The following NAV2 variants were observed in gnomAD, a reference collection of about 807,000 sequenced individuals.
NAV2 encodes the protein neuron navigator 2.
A neutral mutation model predicts 223.2 loss-of-function variants in NAV2; 54 were observed. The observed-to-expected ratio is 0.24, with a 90% confidence interval of 0.19 to 0.30. The LOEUF is 0.30. NAV2 is among the 10% of genes least tolerant of loss of function. NAV2 has a pLI of 1.00. For synonymous variants in NAV2, 1,279 were observed against 1,239.3 expected (o/e 1.03, Z -0.67); for missense variants, 2,806 against 3,147.5 (o/e 0.89, Z 2.60).
intron 3 of NAV2, among the ~76,000 whole-genome samples, chr11:19,865,783 T>C (rs908278221): frequency 2.0e-5 from 3 of 152,212 alleles, no homozygotes; most frequent in African/African-American, 7.2e-5. Flanking sequence ...TTCATCTCTT[T>C]AGAAGAAAAC....
intron 1 of NAV2, among the ~76,000 whole-genome samples, chr11:19,802,493 C>G (rs1369068487): frequency 6.6e-6 from 1 of 152,116 alleles, no homozygotes; most frequent in Non-Finnish European, 1.5e-5. Context: ...GTTCTTGCAT[C>G]TTTTAAATAA....
intron 1 of NAV2, among the ~76,000 whole-genome samples, chr11:19,766,357 G>C (rs1266832087): frequency 2.0e-5 from 3 of 152,146 alleles, no homozygotes; most frequent in African/African-American, 7.2e-5. Flanking sequence ...ATCCAAGTGT[G>C]AACATGGTGA....
chr11:20,080,055 G>T lies in NAV2; in HGVS notation c.5180-9G>T, dbSNP rs201039571. 2.6e-5 allele frequency: 42 copies of T among 1,612,850 alleles called. No individual in the cohort carries two copies. The highest frequency in any genetic ancestry group is 2.7e-5 in the Non-Finnish European group (32 of 1,179,888). ...GGCAGCTGCTGAAACACCCTGCCTT[G>T]GTCTCCAGGAAACGGCACTGCCCAG... On this transcript the variant is annotated splice_polypyrimidine_tract_variant and intron_variant, in intron 24 of 37. Transcript: ENST00000349880.
intron 26 of NAV2, among the ~76,000 whole-genome samples, chr11:20,084,345 G>C (rs938355584): frequency 1.3e-5 from 2 of 152,202 alleles, no homozygotes; most frequent in African/African-American, 4.8e-5. Context: ...TGATCCACCT[G>C]CTTCAGCCTC....
intron 25 of NAV2, among the ~76,000 whole-genome samples, chr11:20,080,867 T>C (rs1207323110): frequency 6.6e-6 from 1 of 152,214 alleles, no homozygotes; most frequent in African/African-American, 2.4e-5. Flanking sequence ...AGTGGTTTTT[T>C]CCACTCTCCC....
chr11:19,391,414 T>C (rs1157612397), intron 1 of NAV2, among the ~76,000 whole-genome samples: 3 of 152,234 alleles, frequency 2.0e-5, no homozygotes, highest in Non-Finnish European at 4.4e-5. Flanking sequence ...ACATATGACT[T>C]CATCATCACC....
intron 20 of NAV2, among the ~76,000 whole-genome samples, chr11:20,062,802 C>T (rs761373507): frequency 1.3e-5 from 2 of 152,194 alleles, no homozygotes; most frequent in Admixed American, 1.3e-4. Flanking sequence ...TCAGGTGATT[C>T]TCCTGCCTCA....
chr11:19,663,069 T>C (rs915617926), intron 1 of NAV2, among the ~76,000 whole-genome samples: 3 of 151,446 alleles, frequency 2.0e-5, no homozygotes, highest in African/African-American at 7.3e-5. Context: ...TTACTGACCC[T>C]TTCCCCCCAA....
intron 1 of NAV2, among the ~76,000 whole-genome samples, chr11:19,500,612 A>G (rs185081714): frequency 1.9e-4 from 29 of 152,342 alleles, no homozygotes; most frequent in Admixed American, 1.6e-3. Flanking sequence ...AGCATTATGA[A>G]CTAGAAAATT....
chr11:19,862,381 C>A (rs1249204907), intron 3 of NAV2, among the ~76,000 whole-genome samples: 1 of 152,168 alleles, frequency 6.6e-6, no homozygotes, highest in Non-Finnish European at 1.5e-5. Flanking sequence ...CCGTGATTCC[C>A]ACATTCTTAA....
chr11:19,791,339 A>G (rs1386758734), intron 1 of NAV2, among the ~76,000 whole-genome samples: 3 of 151,996 alleles, frequency 2.0e-5, no homozygotes, highest in Admixed American at 2.0e-4. Flanking sequence ...CCCCTTCCCT[A>G]TCCAGCCCGC....
intron 34 of NAV2, chr11:20,104,096 T>C (rs2061844051): frequency 8.2e-6 from 2 of 243,822 alleles, no homozygotes; most frequent in South Asian, 1.1e-4. Context: ...GGCGTCTCTC[T>C]GTCCCAAGTG....
At chr11:19,923,777 A>T (rs1253287450) in intron 6 of NAV2, among the ~76,000 whole-genome samples, 1 of 152,182 alleles carries the variant, frequency 6.6e-6, no homozygotes, top group Non-Finnish European at 1.5e-5. Flanking sequence ...AAAAAGGGAG[A>T]TGGTTTTCTA....
At chr11:19,428,186 G>C (rs578241555) in intron 1 of NAV2, among the ~76,000 whole-genome samples, 1 of 151,392 alleles carries the variant, frequency 6.6e-6, no homozygotes, top group Non-Finnish European at 1.5e-5. Flanking sequence ...GGTTTTTTTT[G>C]TTGCTGTTGT....
intron 1 of NAV2, among the ~76,000 whole-genome samples, chr11:19,642,193 C>T (rs568694709): frequency 6.6e-6 from 1 of 152,282 alleles, no homozygotes; most frequent in Admixed American, 6.5e-5. Flanking sequence ...ATGATGACTT[C>T]CCCATCTGCA....
chr11:20,048,745 C>T lies in NAV2; in HGVS notation c.3920C>T (p.Pro1307Leu), dbSNP rs757351586. 1 of 1,613,984 alleles carries T rather than the reference C, an allele frequency of 6.2e-7. No individual in the cohort carries two copies. The highest frequency in any genetic ancestry group is 8.5e-7 in the Non-Finnish European group (1 of 1,179,936). Residue 1307 changes from proline to leucine, a missense_variant, in exon 15 of 38, where the codon CCT (proline) becomes CTT (leucine). Pro to Leu is a moderately conservative substitution (Grantham distance 98, BLOSUM62 -3). Transcript: ENST00000349880. ...CTTCACAGACTCTTTGGTGGGAAGC[C>T]TACCAAGCAAGTGCCCATCGCCACA... ...PTLRRLFGGK[P>L]TKQVPIATAE...
At chr11:19,782,687 C>CCCTGG (rs761528628) in intron 1 of NAV2, among the ~76,000 whole-genome samples, 280 of 152,240 alleles carry the variant, frequency 1.8e-3, no homozygotes, top group South Asian at 6.8e-3. Flanking sequence ...GACCCAGGTG[C>CCCTGG]TGTTCCCAAG....
intron 10 of NAV2, among the ~76,000 whole-genome samples, chr11:19,983,286 G>C (rs765359487): frequency 2.0e-5 from 3 of 152,136 alleles, no homozygotes; most frequent in Non-Finnish European, 4.4e-5. Context: ...TAGACAATCA[G>C]CCATCTGTAC....
At chr11:19,558,954 C>T (rs1016428496) in intron 1 of NAV2, among the ~76,000 whole-genome samples, 1 of 152,190 alleles carries the variant, frequency 6.6e-6, no homozygotes, top group African/African-American at 2.4e-5. Flanking sequence ...GAACTAAAGG[C>T]CGTTCCCAGC....
Sources: gnomAD v4.1 joint callset for allele counts (sites outside exome capture counted in the v4.1 genomes callset) on GRCh38, gnomAD v4.1.1 for gene constraint, MANE v1.5 for transcripts, NCBI Gene and HGNC (gene_info 2026-07-23, HGNC 2026-07-21) for gene names.